The following NPSR1 variants were observed in gnomAD, a reference collection of about 807,000 sequenced individuals.
The protein encoded by NPSR1 is neuropeptide S receptor.
Under a neutral mutation model 46.9 loss-of-function variants are expected in NPSR1, and 48 were observed. That is an observed-to-expected ratio of 1.02 (90% CI 0.81 to 1.30). The LOEUF (loss-of-function observed/expected upper bound fraction) is 1.30. Among genes scored for constraint, NPSR1 ranks in the 50% most tolerant of loss-of-function variants. The pLI, the probability that NPSR1 is intolerant of heterozygous loss-of-function variation, is 0.00. For synonymous variants in NPSR1, 176 were observed against 168.1 expected, an observed-to-expected ratio of 1.05 and a Z score of -0.36; for missense variants, 450 against 449.5, an observed-to-expected ratio of 1.00 and a Z score of -0.01.
intron 2 of NPSR1, among the ~76,000 whole-genome samples, chr7:34,768,086 A>C (rs1479401549): frequency 1.3e-5 from 2 of 152,184 alleles, no homozygotes; most frequent in African/African-American, 4.8e-5. Context: ...ATATGTACTG[A>C]GACATCACCA....
chr7:34,783,501 T>C lies in NPSR1; in HGVS notation c.384+4936T>C, dbSNP rs926955483. Among the ~76,000 whole-genome samples, 11 of 152,208 alleles carry C rather than the reference T, an allele frequency of 7.2e-5. 2 individuals are homozygous for C. The highest frequency in any genetic ancestry group is 6.2e-4 in the South Asian group (3 of 4,820). ...GGATTATGGCAACTAAAATTCAAGA[T>C]GAGATTTGGGTAGGAACATAGCCAA... is the stretch of plus-strand genomic sequence containing the variant. On this transcript the variant is annotated intron_variant, in intron 3 of 8. Coordinates refer to ENST00000360581, the MANE Select transcript of NPSR1 (RefSeq NM_207172.2).
At chr7:34,679,793 C>A (rs1792523572) in intron 1 of NPSR1, among the ~76,000 whole-genome samples, 2 of 151,920 alleles carry the variant, frequency 1.3e-5, no homozygotes, top group African/African-American at 4.8e-5. Flanking sequence ...AAAAGGTAAA[C>A]TTTAAAATTA....
chr7:34,878,059 C>T (rs1416002747), intron 8 of NPSR1: 1 of 1,527,624 alleles, frequency 6.5e-7, no homozygotes. Context: ...TTTCAATAAG[C>T]CTTTCTTCTT....
At chr7:34,844,384 G>A (rs192353171) in intron 6 of NPSR1, among the ~76,000 whole-genome samples, 1 of 152,144 alleles carries the variant, frequency 6.6e-6, no homozygotes, top group Admixed American at 6.5e-5. Flanking sequence ...GTATATCCAA[G>A]CTCCTATTTT....
intron 6 of NPSR1, among the ~76,000 whole-genome samples, chr7:34,842,627 T>C (rs1448761335): frequency 1.3e-5 from 2 of 152,236 alleles, no homozygotes; most frequent in South Asian, 4.1e-4. Context: ...ACAGAATAAT[T>C]TGAAGACCCT....
Position 34,710,851 on chromosome 7 carries a change from T to C in NPSR1, c.280+26167T>C, listed in dbSNP as rs1243018314. 15 of 488,344 alleles carry C rather than the reference T, an allele frequency of 3.1e-5. No individual in the cohort carries two copies. The East Asian group carries it at 6.8e-4, about 22-fold the overall frequency. 30.3% of individuals were successfully genotyped at this position (488,344 alleles called of 1,614,324 possible). A position where few individuals can be genotyped will look rare whatever the true frequency, so the allele number is the denominator to read the frequency against. On this transcript the variant is annotated intron_variant, in intron 2 of 8. Coordinates refer to ENST00000360581, the MANE Select transcript of NPSR1 (RefSeq NM_207172.2). ...TTCACAGAGCTGAAGATCAAGCACC[T>C]GAGAAACAAGTTTGCCTCAAGAGAT...
chr7:34,734,674 A>G (rs1004652995), intron 2 of NPSR1, among the ~76,000 whole-genome samples: 4 of 152,208 alleles, frequency 2.6e-5, no homozygotes, highest in Non-Finnish European at 5.9e-5. Context: ...GCTTGTTCTG[A>G]AGGGAGATCT....
intron 2 of NPSR1, among the ~76,000 whole-genome samples, chr7:34,774,047 C>T (rs1467682332): frequency 6.6e-6 from 1 of 152,170 alleles, no homozygotes; most frequent in African/African-American, 2.4e-5. Flanking sequence ...GAAACCTATA[C>T]ATATATTCAC....
chr7:34,779,185 T>A (rs899985494), intron 3 of NPSR1, among the ~76,000 whole-genome samples: 1 of 151,976 alleles, frequency 6.6e-6, no homozygotes, highest in Non-Finnish European at 1.5e-5. Flanking sequence ...ATATGTATAT[T>A]TGATTTAAAA....
chr7:34,843,081 C>G (rs966689367), intron 6 of NPSR1, among the ~76,000 whole-genome samples: 3 of 152,200 alleles, frequency 2.0e-5, no homozygotes, highest in Non-Finnish European at 2.9e-5. Flanking sequence ...ACTTGATGCT[C>G]TCTGCATCTC....
intron 2 of NPSR1, among the ~76,000 whole-genome samples, chr7:34,726,979 A>C (rs548913109): frequency 3.3e-5 from 5 of 152,180 alleles, no homozygotes; most frequent in Non-Finnish European, 7.3e-5. Context: ...AGGATGTACA[A>C]CACCAAGAGT....
chr7:34,721,074 A>G (rs1320207240), intron 2 of NPSR1, among the ~76,000 whole-genome samples: 2 of 152,222 alleles, frequency 1.3e-5, no homozygotes, highest in Non-Finnish European at 2.9e-5. Context: ...TTGTAGGAAG[A>G]CATAAATAGG....
chr7:34,793,875 T>C (rs1460284259), intron 3 of NPSR1, among the ~76,000 whole-genome samples: 5 of 152,168 alleles, frequency 3.3e-5, no homozygotes, highest in Non-Finnish European at 5.9e-5. Context: ...TAATATGCAA[T>C]ACTATTCATT....
chr7:34,773,603 G>A (rs563644464), intron 2 of NPSR1, among the ~76,000 whole-genome samples: 10 of 152,266 alleles, frequency 6.6e-5, no homozygotes, highest in East Asian at 1.9e-4. Context: ...TCAACCAGTC[G>A]AATCTCCTGA....
intron 2 of NPSR1, among the ~76,000 whole-genome samples, chr7:34,703,134 C>T (rs1295225930): frequency 6.6e-6 from 1 of 152,038 alleles, no homozygotes; most frequent in Admixed American, 6.6e-5. Flanking sequence ...CCAAGGCGGG[C>T]GGATCACGAG....
At chr7:34,827,050 A>G (rs1328171352) in intron 4 of NPSR1, among the ~76,000 whole-genome samples, 6 of 152,220 alleles carry the variant, frequency 3.9e-5, no homozygotes, top group Admixed American at 2.6e-4. Context: ...GACACAACTC[A>G]GCATTTGCAC....
At chr7:34,761,207 G>A (rs529839597) in intron 2 of NPSR1, 1 of 152,586 alleles carries the variant, frequency 6.6e-6, no homozygotes, top group Non-Finnish European at 1.5e-5. Context: ...AAAGCAAAGG[G>A]AAGAAGTAAG....
chr7:34,755,794 A>T (rs77376614), intron 2 of NPSR1, among the ~76,000 whole-genome samples: 1,749 of 152,242 alleles, frequency 0.011, 34 homozygotes, highest in African/African-American at 0.04. Context: ...CAGAAAAAAA[A>T]AATAATAGTA....
At chr7:34,777,531 A>G (rs1213083946) in intron 2 of NPSR1, among the ~76,000 whole-genome samples, 4 of 151,844 alleles carry the variant, frequency 2.6e-5, no homozygotes, top group Non-Finnish European at 4.4e-5. Context: ...AGCAATATGA[A>G]GTTAAAACCA....
Sources: allele counts gnomAD v4.1 joint callset (sites outside exome capture counted in the v4.1 genomes callset), GRCh38; gene constraint gnomAD v4.1.1; transcripts MANE v1.5; gene names NCBI Gene and HGNC (gene_info 2026-07-23, HGNC 2026-07-21).